Variants in CCDC66 observed in about 807,000 individuals in gnomAD.
CCDC66 encodes the protein coiled-coil domain-containing protein 66.
In CCDC66, 133 loss-of-function variants were observed where a neutral mutation model predicts 128.3. That is an observed-to-expected ratio of 1.04 (90% CI 0.90 to 1.20). The LOEUF is 1.20. Ranked by LOEUF, CCDC66 falls within the 50% of genes most tolerant of loss-of-function variation. The pLI is 0.00. For synonymous variants in CCDC66, 387 were observed against 357.0 expected (o/e 1.08, Z -0.95); for missense variants, 1,126 against 1,075.5 (o/e 1.05, Z -0.66).
chr3:56,566,189 A>G (rs1451820278), intron 4 of CCDC66, among the ~76,000 whole-genome samples: 1 of 150,226 alleles, frequency 6.7e-6, no homozygotes, highest in Non-Finnish European at 1.5e-5. Flanking sequence ...CAGTGGCACA[A>G]TCTCAGCTCA....
chr3:56,582,969 C>T (rs976476231), intron 7 of CCDC66, among the ~76,000 whole-genome samples: 14 of 150,614 alleles, frequency 9.3e-5, no homozygotes, highest in African/African-American at 3.4e-4. Context: ...CTTGACCTTC[C>T]TGGGCTCAAG....
chr3:56,611,746 AG>A (rs1291964555), intron 10 of CCDC66, among the ~76,000 whole-genome samples: 4 of 152,082 alleles, frequency 2.6e-5, no homozygotes, highest in Admixed American at 2.6e-4. Context: ...ACGAGCTCCC[AG>A]TGTCTTTCTG....
At chr3:56,605,606 G>C (rs948288798) in intron 10 of CCDC66, among the ~76,000 whole-genome samples, 2 of 152,060 alleles carry the variant, frequency 1.3e-5, no homozygotes, top group Non-Finnish European at 2.9e-5. Context: ...AGAGGCTGCA[G>C]AACAGCAAAG....
At chr3:56,618,306 T>C (rs1172371559) in intron 15 of CCDC66, 94 bp downstream of exon 15, 2 of 1,097,484 alleles carry the variant, frequency 1.8e-6, no homozygotes, top group East Asian at 2.4e-5. Context: ...ATATGGTATA[T>C]GTAGAGAACA....
chr3:56,594,053 T>C, intron 10 of CCDC66, 25 bp downstream of exon 10: 5 of 1,583,216 alleles, frequency 3.2e-6, no homozygotes, highest in Non-Finnish European at 4.3e-6. Context: ...AACATTGTTC[T>C]TTACCTTAAT....
Position 56,571,226 on chromosome 3 carries a change from A to C in CCDC66, c.860A>C (p.Lys287Thr). 6.5e-7 allele frequency: 1 copy of C among 1,539,692 alleles called. No individual in the cohort carries two copies. The highest frequency in any genetic ancestry group is 8.9e-7 in the Non-Finnish European group (1 of 1,128,886). ...LKKKEKEVSEKWNDPWKKSES... is the reference protein window; with the variant it reads ...LKKKEKEVSETWNDPWKKSES... ...AAGAAAGAAAAAGAAGTTTCTGAAAAATGGAATGATCCTTGGAAAAAATCT... is the reference window on the plus strand; with the variant it reads ...AAGAAAGAAAAAGAAGTTTCTGAAACATGGAATGATCCTTGGAAAAAATCT... The change falls in exon 7 of 18, where the codon AAA becomes ACA. Residue 287 changes from lysine to threonine, a missense_variant. By Grantham distance (78) the Lys-to-Thr change is moderately conservative. Transcript: ENST00000394672.
chr3:56,604,687 G>A (rs1032696327), intron 10 of CCDC66, among the ~76,000 whole-genome samples: 10 of 151,762 alleles, frequency 6.6e-5, no homozygotes, highest in African/African-American at 1.5e-4. Flanking sequence ...TGGGTAACCC[G>A]ACCTTTCTCT....
chr3:56,595,364 A>G (rs984493550), intron 10 of CCDC66, among the ~76,000 whole-genome samples: 1 of 152,110 alleles, frequency 6.6e-6, no homozygotes, highest in African/African-American at 2.4e-5. Context: ...ATATGTTTGT[A>G]CCCATTAACC....
chr3:56,619,781 T>C lies in CCDC66; in HGVS notation c.2640T>C (p.Cys880=). The C allele has an allele frequency of 6.2e-7, 1 of 1,613,984 alleles. No individual in the cohort carries two copies. The highest frequency in any genetic ancestry group is 8.5e-7 in the Non-Finnish European group (1 of 1,179,970). Residue 880 remains cysteine (C), a synonymous_variant, in exon 17 of 18, where the codon TGT becomes TGC. Transcript: ENST00000394672. The part of the protein sequence containing the change: ...QDPQYQNSQD[C]GQKRQLFDSD... ...GTTACTTTCATCTGGCTTTAGACTG[T>C]GGCCAAAAACGACAGCTATTTGATT... is the stretch of plus-strand genomic sequence containing the variant.
intron 17 of CCDC66, chr3:56,621,323 A>T: frequency 2.7e-6 from 1 of 373,962 alleles, no homozygotes; most frequent in Non-Finnish European, 4.8e-6. Context: ...ATCCCTATTG[A>T]TTTTTATGCT....
At position 56,617,051 on chromosome 3, in the gene CCDC66, ATTAT is replaced by A. The variant is rs961513781; in HGVS notation, c.1844-57_1844-54del. 10 of 1,293,022 alleles carry A rather than the reference ATTAT, an allele frequency of 7.7e-6. No individual in the cohort carries two copies. In the South Asian group the frequency reaches 1.3e-4, roughly 17 times the overall value. 80.1% of individuals were successfully genotyped at this position (1,293,022 alleles called of 1,614,324 possible). ...ATAATTGTTTAATGTTTTGGGGAAA[ATTAT>A]TTAATATTGAAAATTTTGTTTACAA... On this transcript the variant is annotated intron_variant, in intron 13 of 17. Coordinates refer to ENST00000394672, the MANE Select transcript of CCDC66 (RefSeq NM_001141947.3).
chr3:56,561,922 G>A (rs1559593982), intron 3 of CCDC66, among the ~76,000 whole-genome samples: 1 of 151,744 alleles, frequency 6.6e-6, no homozygotes, highest in Non-Finnish European at 1.5e-5. Flanking sequence ...TTGAATTATT[G>A]TAATCTCCAT....
chr3:56,610,424 G>T (rs534952837), intron 10 of CCDC66, among the ~76,000 whole-genome samples: 4 of 152,206 alleles, frequency 2.6e-5, no homozygotes, highest in African/African-American at 4.8e-5. Context: ...TGAATTTTTG[G>T]TTTTTTCTTT....
chr3:56,568,063 C>A (rs527561970), intron 6 of CCDC66, among the ~76,000 whole-genome samples: 104 of 152,156 alleles, frequency 6.8e-4, no homozygotes, highest in Non-Finnish European at 1.4e-3. Context: ...ATGTTTCCTT[C>A]AGACCTTTAA....
In CCDC66 at chr3:56,577,956, A is replaced by G. The variant is rs185915125; in HGVS notation, c.936+6654A>G. 1.1e-3 allele frequency among the ~76,000 whole-genome samples: 171 copies of G among 151,980 alleles called. 1 individual carries two copies. Among genetic ancestry groups the G allele is most frequent in the African/African-American group, 4.1e-3 (169 of 41,558 alleles). On this transcript the variant is annotated intron_variant, in intron 7 of 17. Coordinates refer to ENST00000394672, the MANE Select transcript of CCDC66 (RefSeq NM_001141947.3). ...AGTAGTTTTTTCCAATTCTGTGAAG[A>G]AAGTCAGTGGTAGCTTGATGGGGAT...
chr3:56,591,550 T>G (rs1196359525), intron 7 of CCDC66, among the ~76,000 whole-genome samples: 1 of 152,222 alleles, frequency 6.6e-6, no homozygotes. Flanking sequence ...AAATTTGTGT[T>G]GGGCCACATT....
At position 56,617,449 on chromosome 3, in the gene CCDC66, A is replaced by T; in HGVS notation, c.2181A>T (p.Arg727Ser). The change falls in exon 14 of 18, where the codon AGA (arginine) becomes AGT (serine). Residue 727 changes from arginine to serine, a missense_variant. Physicochemically the swap from Arg to Ser is moderately radical, Grantham distance 110 (BLOSUM62 -1). Transcript: ENST00000394672. ...ACCCTAAACAGCTTCAAAAGCAGAG[A>T]GAAGAAAAAAAAGTAAGGAGGCAGA... ...EKYPKQLQKQ[R>S]EEKKVRRQME... 6.2e-7 allele frequency: 1 copy of T among 1,614,056 alleles called. No individual in the cohort carries two copies. The highest frequency in any genetic ancestry group is 8.5e-7 in the Non-Finnish European group (1 of 1,179,970).
Position 56,613,753 on chromosome 3 carries a change from AGGT to A in CCDC66, c.1566+4_1566+6del. The stretch of plus-strand genomic sequence containing the variant: ...TACTTAAGCAAAAACAAAAGGAAGT[AGGT>A]ACTTACATTCTAATTGTAACTTTGG... On this transcript the variant is annotated splice_donor_5th_base_variant and intron_variant, in intron 11 of 17. Transcript: ENST00000394672. 6.2e-7 allele frequency: 1 copy of A among 1,601,192 alleles called. No homozygotes were observed. The highest frequency in any genetic ancestry group is 8.5e-7 in the Non-Finnish European group (1 of 1,174,326).
chr3:56,616,294 T>C, intron 13 of CCDC66: 2 of 379,218 alleles, frequency 5.3e-6, no homozygotes, highest in Non-Finnish European at 9.5e-6. Flanking sequence ...TTCTAAAACA[T>C]TTTGATCACT....
Sources: gnomAD v4.1 joint callset for allele counts (sites outside exome capture counted in the v4.1 genomes callset) on GRCh38, gnomAD v4.1.1 for gene constraint, MANE v1.5 for transcripts, NCBI Gene and HGNC (gene_info 2026-07-23, HGNC 2026-07-21) for gene names.